Variants in CNTNAP4 observed in about 807,000 individuals in gnomAD.
CNTNAP4 encodes the protein contactin associated protein family member 4, also known as contactin-associated protein-like 4.
CNTNAP4 carries 98 observed loss-of-function variants against 148.4 expected under a neutral mutation model. The ratio of observed to expected loss-of-function variants is 0.66; its 90% confidence interval spans 0.56 to 0.78. CNTNAP4 has a LOEUF of 0.78. Ranked by LOEUF, CNTNAP4 falls within the 30% of genes least tolerant of loss-of-function variation. The pLI is 0.00. For missense variants in CNTNAP4, 1,935 were observed against 1,565.6 expected, an observed-to-expected ratio of 1.24 and a Z score of -3.98; for synonymous variants, 730 against 565.1, an observed-to-expected ratio of 1.29 and a Z score of -4.14.
intron 8 of CNTNAP4, among the ~76,000 whole-genome samples, chr16:76,460,773 A>AAAAAAAAAAAAT: frequency 3.5e-5 from 2 of 57,328 alleles, no homozygotes; most frequent in Admixed American, 2.4e-4. Flanking sequence ...AAAAAAAAAA[A>AAAAAAAAAAAAT]ATATATATAT....
chr16:76,391,588 C>T (rs1239811128), intron 3 of CNTNAP4, among the ~76,000 whole-genome samples: 1 of 152,178 alleles, frequency 6.6e-6, no homozygotes, highest in Non-Finnish European at 1.5e-5. Flanking sequence ...GTATCAGACT[C>T]ACTTAAGAGC....
Position 76,382,117 on chromosome 16 carries a change from G to C in CNTNAP4, c.390+26606G>C, listed in dbSNP as rs527479978. Among the ~76,000 whole-genome samples the C allele has an allele frequency of 1.1e-4, 16 of 149,960 alleles. 1 individual carries two copies. In the East Asian group the frequency reaches 2.8e-3, roughly 26 times the overall value. The stretch of plus-strand genomic sequence containing the variant: ...AAAGTTACCTTTATGATAAACTATA[G>C]GGGAGGGATAGAACAGAGACAGAAG... On this transcript the variant is annotated intron_variant, in intron 3 of 23. Coordinates refer to ENST00000611870, the MANE Select transcript of CNTNAP4 (RefSeq NM_033401.5).
intron 4 of CNTNAP4, among the ~76,000 whole-genome samples, chr16:76,429,191 C>T (rs754024762): frequency 3.9e-5 from 6 of 152,094 alleles, no homozygotes; most frequent in Non-Finnish European, 7.3e-5. Flanking sequence ...AATAAAATCA[C>T]GCATTAAAAA....
intron 2 of CNTNAP4, among the ~76,000 whole-genome samples, chr16:76,332,527 G>T (rs1411667879): frequency 6.6e-6 from 1 of 152,000 alleles, no homozygotes; most frequent in Non-Finnish European, 1.5e-5. Context: ...ACCTCCCAAA[G>T]TGCCATTATT....
intron 17 of CNTNAP4, among the ~76,000 whole-genome samples, chr16:76,530,067 ATTCT>A (rs2083910511): frequency 6.6e-6 from 1 of 152,126 alleles, no homozygotes; most frequent in Non-Finnish European, 1.5e-5. Flanking sequence ...CTTCATAAGA[ATTCT>A]TTATATATTT....
At chr16:76,491,507 C>G (rs1370180591) in intron 13 of CNTNAP4, among the ~76,000 whole-genome samples, 1 of 152,190 alleles carries the variant, frequency 6.6e-6, no homozygotes, top group Non-Finnish European at 1.5e-5. Context: ...GGCATGAGCC[C>G]CCCTCATTTC....
chr16:76,519,666 C>G (rs2083385587), intron 15 of CNTNAP4, among the ~76,000 whole-genome samples: 1 of 152,014 alleles, frequency 6.6e-6, no homozygotes, highest in Admixed American at 6.5e-5. Flanking sequence ...TTATTTTGTC[C>G]TAGAGATCCA....
chr16:76,472,517 A>C (rs7204713), intron 10 of CNTNAP4, among the ~76,000 whole-genome samples: 136,117 of 151,916 alleles, frequency 0.9, 62,849 homozygotes, highest in South Asian at 1. Context: ...CTTTGGTTTT[A>C]CGTTCCTGCA....
chr16:76,467,972 G>A (rs955583511), intron 10 of CNTNAP4, among the ~76,000 whole-genome samples: 1 of 152,072 alleles, frequency 6.6e-6, no homozygotes, highest in Non-Finnish European at 1.5e-5. Context: ...GAATTCAGCT[G>A]GTTGCACTTC....
rs539589205 is a variant in CNTNAP4, at chr16:76,414,384, T to A, written c.391-13068T>A. On this transcript the variant is annotated intron_variant, in intron 3 of 23. Transcript: ENST00000611870. ...TCCTGGAATTAACTCGATTGAGATA[T>A]GATTTATTATTTTTTCTATATTTTT... Among the ~76,000 whole-genome samples, 176 of 151,566 alleles carry A rather than the reference T, an allele frequency of 1.2e-3. 1 individual carries two copies. The highest frequency in any genetic ancestry group is 2.7e-3 in the Admixed American group (41 of 15,176).
intron 23 of CNTNAP4, among the ~76,000 whole-genome samples, chr16:76,554,589 CT>C (rs1478671421): frequency 6.6e-6 from 1 of 151,708 alleles, no homozygotes. Flanking sequence ...AGCTTTTTTT[CT>C]TCTTGATTAA....
At chr16:76,381,732 C>T (rs2015986136) in intron 3 of CNTNAP4, among the ~76,000 whole-genome samples, 1 of 152,078 alleles carries the variant, frequency 6.6e-6, no homozygotes, top group African/African-American at 2.4e-5. Flanking sequence ...TTTTCTTATG[C>T]TTTTTAAATA....
intron 9 of CNTNAP4, among the ~76,000 whole-genome samples, chr16:76,462,892 A>G (rs566062332): frequency 6.6e-6 from 1 of 152,306 alleles, no homozygotes; most frequent in South Asian, 2.1e-4. Flanking sequence ...AATTGCTTGT[A>G]TCTGGAATCA....
chr16:76,474,939 A>G (rs1447051177), intron 10 of CNTNAP4, among the ~76,000 whole-genome samples: 1 of 152,228 alleles, frequency 6.6e-6, no homozygotes, highest in Non-Finnish European at 1.5e-5. Context: ...AAACACAGTT[A>G]CTTAGTATTT....
intron 9 of CNTNAP4, among the ~76,000 whole-genome samples, chr16:76,463,919 G>C (rs146300068): frequency 2.6e-5 from 4 of 152,128 alleles, no homozygotes; most frequent in East Asian, 3.9e-4. Flanking sequence ...AAAAAATTAC[G>C]AATCTCAAGT....
At chr16:76,508,276 T>C (rs1403725331) in intron 15 of CNTNAP4, among the ~76,000 whole-genome samples, 1 of 96,974 alleles carries the variant, frequency 1.0e-5, no homozygotes, top group African/African-American at 2.6e-5. Flanking sequence ...ATATATACTT[T>C]TACTAAAAGG....
chr16:76,515,868 G>T (rs1311878880), intron 15 of CNTNAP4, among the ~76,000 whole-genome samples: 2 of 151,948 alleles, frequency 1.3e-5, no homozygotes, highest in African/African-American at 2.4e-5. Flanking sequence ...CTCATACACT[G>T]CTGGTAGGAA....
chr16:76,304,414 T>C (rs1023198592), intron 1 of CNTNAP4, among the ~76,000 whole-genome samples: 1 of 152,058 alleles, frequency 6.6e-6, no homozygotes, highest in African/African-American at 2.4e-5. Flanking sequence ...CTGTTCAAGT[T>C]AAGGAAGAAT....
intron 2 of CNTNAP4, among the ~76,000 whole-genome samples, chr16:76,344,050 A>G (rs1964707489): frequency 6.6e-6 from 1 of 152,240 alleles, no homozygotes; most frequent in South Asian, 2.1e-4. Context: ...AATTGAATGC[A>G]TGCATAGGGG....
Sources: gnomAD v4.1 joint callset for allele counts (sites outside exome capture counted in the v4.1 genomes callset) on GRCh38, gnomAD v4.1.1 for gene constraint, MANE v1.5 for transcripts, NCBI Gene and HGNC (gene_info 2026-07-23, HGNC 2026-07-21) for gene names.